The following PIK3R6 variants were observed in gnomAD, a reference collection of about 807,000 sequenced individuals.
PIK3R6 encodes phosphoinositide-3-kinase regulatory subunit 6.
In PIK3R6, 91 loss-of-function variants were observed where a neutral mutation model predicts 84.9. The observed-to-expected ratio is 1.07, with a 90% CI of 0.90 to 1.28. PIK3R6 has a LOEUF of 1.28. Ranked by LOEUF, PIK3R6 falls within the 50% of genes most tolerant of loss-of-function variation. The pLI, the probability that PIK3R6 is intolerant of heterozygous loss-of-function variation, is 0.00. For synonymous variants in PIK3R6, 416 were observed against 411.4 expected, an observed-to-expected ratio of 1.01 and a Z score of -0.13; for missense variants, 996 against 985.1, an observed-to-expected ratio of 1.01 and a Z score of -0.15.
At position 8,844,333 on chromosome 17, in the gene PIK3R6, G is replaced by A. The variant is rs899703351; in HGVS notation, c.14-4636C>T. Among the ~76,000 whole-genome samples, 1 of 152,196 alleles carries A rather than the reference G, an allele frequency of 6.6e-6. No individual in the cohort carries two copies. The highest frequency in any genetic ancestry group is 2.4e-5 in the African/African-American group (1 of 41,440). On this transcript the variant is annotated intron_variant, in intron 2 of 19. Coordinates refer to ENST00000619866, the MANE Select transcript of PIK3R6 (RefSeq NM_001010855.4). This position sits in a 1 kb window ranked among gnomAD's most constrained non-coding sequence, Gnocchi z 4.5. ...CCCTGAGCTTCTCACAAACTCCCAC[G>A]TAGGGGGAAGCACTCCAAGTGAATG...
chr17:8,806,345 C>G (rs2087206316), intron 18 of PIK3R6, among the ~76,000 whole-genome samples: 4 of 152,198 alleles, frequency 2.6e-5, no homozygotes, highest in Admixed American at 2.0e-4. Flanking sequence ...TCAGGCTGCT[C>G]TAGGTGTCTC....
chr17:8,806,875 G>C (rs1453956462), intron 18 of PIK3R6, among the ~76,000 whole-genome samples: 1 of 152,164 alleles, frequency 6.6e-6, no homozygotes, highest in African/African-American at 2.4e-5. Context: ...CTTCCCCTCA[G>C]TGGTTATCAT....
chr17:8,834,156 CAAAAAAAAAA>C (rs71135927), intron 8 of PIK3R6, among the ~76,000 whole-genome samples: 1 of 46,462 alleles, frequency 2.2e-5, no homozygotes, highest in Non-Finnish European at 4.6e-5. Context: ...GACTTCGTCT[CAAAAAAAAAA>C]AAAAAAAAAA....
At chr17:8,830,691 C>G (rs564895629) in intron 9 of PIK3R6, among the ~76,000 whole-genome samples, 2 of 152,290 alleles carry the variant, frequency 1.3e-5, no homozygotes, top group African/African-American at 4.8e-5. Flanking sequence ...GAATAACTGG[C>G]CCAAGGTCAC....
intron 10 of PIK3R6, 117 bp downstream of exon 10, chr17:8,829,589 C>G: frequency 1.9e-6 from 2 of 1,067,194 alleles, no homozygotes; most frequent in Non-Finnish European, 2.7e-6. Flanking sequence ...CACACTGACA[C>G]ACACTCATGC....
At chr17:8,837,396 A>C (rs1339890901) in intron 5 of PIK3R6, among the ~76,000 whole-genome samples, 6 of 151,712 alleles carry the variant, frequency 4.0e-5, no homozygotes, top group South Asian at 2.1e-4. Context: ...CCCCATCTTG[A>C]CCCTGGACTC....
At chr17:8,818,087 C>G (rs78886510) in intron 18 of PIK3R6, among the ~76,000 whole-genome samples, 3,425 of 152,162 alleles carry the variant, frequency 0.023, 124 homozygotes, top group African/African-American at 0.076. Context: ...CAAGGATCCG[C>G]GTGAGCGGGA....
intron 7 of PIK3R6, 128 bp downstream of exon 7, chr17:8,836,419 T>C: frequency 1.0e-6 from 1 of 977,948 alleles, no homozygotes. Flanking sequence ...ACAAATATCA[T>C]GGCTGGGGAG....
intron 1 of PIK3R6, among the ~76,000 whole-genome samples, chr17:8,851,132 A>G (rs967362787): frequency 2.0e-5 from 3 of 152,156 alleles, no homozygotes; most frequent in African/African-American, 7.2e-5. Context: ...GTTAAAAAAA[A>G]AATGGATCAC....
intron 10 of PIK3R6, among the ~76,000 whole-genome samples, chr17:8,829,295 TACAC>T (rs570481137): frequency 4.2e-4 from 41 of 96,666 alleles, no homozygotes; most frequent in African/African-American, 1.6e-3. Flanking sequence ...GCATCATGCA[TACAC>T]ACACACTGAC....
intron 1 of PIK3R6, among the ~76,000 whole-genome samples, chr17:8,865,907 AG>A (rs548685766): frequency 1.2e-4 from 18 of 152,070 alleles, no homozygotes; most frequent in Non-Finnish European, 2.2e-4. Context: ...TCCCAGGGGC[AG>A]GGAAGCTTGG....
At chr17:8,846,439 T>C (rs920382067) in intron 2 of PIK3R6, among the ~76,000 whole-genome samples, 1 of 152,200 alleles carries the variant, frequency 6.6e-6, no homozygotes, top group Non-Finnish European at 1.5e-5. Context: ...CTTTGGCTAT[T>C]TGGGCCCTTT....
chr17:8,848,922 C>T (rs913655972), intron 2 of PIK3R6, among the ~76,000 whole-genome samples: 1 of 152,170 alleles, frequency 6.6e-6, no homozygotes, highest in Non-Finnish European at 1.5e-5. Flanking sequence ...AGGGGATGCC[C>T]TTCCCTTCCC....
intron 18 of PIK3R6, among the ~76,000 whole-genome samples, chr17:8,815,639 G>A (rs1336179815): frequency 6.6e-6 from 1 of 152,216 alleles, no homozygotes; most frequent in East Asian, 1.9e-4. Context: ...AGGAATCAAA[G>A]GGTTTGGGTT....
chr17:8,854,807 A>G (rs1388947656), intron 1 of PIK3R6, among the ~76,000 whole-genome samples: 1 of 152,252 alleles, frequency 6.6e-6, no homozygotes, highest in African/African-American at 2.4e-5. Context: ...TTTTAGATAC[A>G]ATACCAAAGC....
chr17:8,829,228 G>C (rs554991877), intron 10 of PIK3R6, among the ~76,000 whole-genome samples: 2 of 144,938 alleles, frequency 1.4e-5, no homozygotes, highest in South Asian at 2.1e-4. Context: ...CACACACAGA[G>C]ACACACTGAA....
chr17:8,865,184 T>C (rs1211346728), intron 1 of PIK3R6, among the ~76,000 whole-genome samples: 2 of 152,144 alleles, frequency 1.3e-5, no homozygotes, highest in African/African-American at 4.8e-5. Flanking sequence ...GAAGCCTGGC[T>C]CAGGTTCAGA....
intron 1 of PIK3R6, among the ~76,000 whole-genome samples, chr17:8,852,240 G>T (rs1283650503): frequency 6.6e-6 from 1 of 152,134 alleles, no homozygotes; most frequent in Admixed American, 6.5e-5. Flanking sequence ...TGTACTTAAT[G>T]CCATTGAATT....
At chr17:8,814,797 G>A (rs1418883169) in intron 18 of PIK3R6, among the ~76,000 whole-genome samples, 4 of 117,692 alleles carry the variant, frequency 3.4e-5, no homozygotes, top group Non-Finnish European at 6.5e-5. Context: ...AAAGATGTGA[G>A]TCTCCAGATT....
Sources: allele counts gnomAD v4.1 joint callset (sites outside exome capture counted in the v4.1 genomes callset), GRCh38; gene constraint gnomAD v4.1.1; non-coding constraint Gnocchi (gnomAD v3.1); transcripts MANE v1.5; gene names NCBI Gene and HGNC (gene_info 2026-07-23, HGNC 2026-07-21).